The following HCN1 variants were observed in gnomAD, a reference collection of about 807,000 sequenced individuals.
HCN1 encodes potassium/sodium hyperpolarization-activated cyclic nucleotide-gated channel 1.
A neutral mutation model predicts 78.9 loss-of-function variants in HCN1; 13 were observed. That is an observed-to-expected ratio of 0.16 (90% CI 0.11 to 0.26). The LOEUF (loss-of-function observed/expected upper bound fraction) is 0.26, where lower values mean the gene tolerates loss of function less well. Among genes scored for constraint, HCN1 ranks in the 10% least tolerant of loss-of-function variants. The pLI, the probability that HCN1 is intolerant of heterozygous loss-of-function variation, is 1.00. For synonymous variants in HCN1, 552 were observed against 455.5 expected (o/e 1.21, Z -2.70); for missense variants, 810 against 1,154.3 (o/e 0.70, Z 4.32).
At chr5:45,679,263 A>G (rs1739656990) in intron 1 of HCN1, among the ~76,000 whole-genome samples, 1 of 152,048 alleles carries the variant, frequency 6.6e-6, no homozygotes, top group Non-Finnish European at 1.5e-5. Context: ...AACAAACAGT[A>G]CCTGTCATAG....
intron 4 of HCN1, among the ~76,000 whole-genome samples, chr5:45,372,022 T>C (rs1747383867): frequency 1.4e-5 from 1 of 72,812 alleles, no homozygotes; most frequent in South Asian, 3.9e-4. Context: ...ATATAATATA[T>C]ATAATATAAT....
At chr5:45,316,655 T>C (rs1306276459) in intron 5 of HCN1, among the ~76,000 whole-genome samples, 1 of 152,056 alleles carries the variant, frequency 6.6e-6, no homozygotes, top group Admixed American at 6.6e-5. Context: ...GACTGTATAT[T>C]TAGAAAAACC....
intron 1 of HCN1, among the ~76,000 whole-genome samples, chr5:45,665,880 C>T (rs1746038827): frequency 6.6e-6 from 1 of 152,072 alleles, no homozygotes; most frequent in African/African-American, 2.4e-5. Flanking sequence ...ATTTCTCTGA[C>T]CTTTTCTCTC....
intron 6 of HCN1, among the ~76,000 whole-genome samples, chr5:45,300,715 C>T (rs946902185): frequency 6.6e-6 from 1 of 152,078 alleles, no homozygotes. Context: ...CTAATCTCCA[C>T]ATTGTTCAAG....
At chr5:45,377,155 CAAT>C in intron 4 of HCN1, among the ~76,000 whole-genome samples, 1 of 151,970 alleles carries the variant, frequency 6.6e-6, no homozygotes, top group Admixed American at 6.6e-5. Context: ...TAAAATATCG[CAAT>C]AATAAACGTA....
intron 4 of HCN1, among the ~76,000 whole-genome samples, chr5:45,374,880 A>T (rs1160492624): frequency 6.9e-6 from 1 of 144,742 alleles, no homozygotes; most frequent in Non-Finnish European, 1.5e-5. Flanking sequence ...GTTCATGGGT[A>T]TATATATAGA....
Position 45,645,602 on chromosome 5 carries a change from G to A in HCN1, c.432C>T (p.Tyr144=). 6.3e-7 allele frequency: 1 copy of A among 1,594,330 alleles called. No homozygotes were observed. The highest frequency in any genetic ancestry group is 8.5e-7 in the Non-Finnish European group (1 of 1,170,732). The stretch of plus-strand genomic sequence containing the variant: ...TCATTATAAGCATTATTAAATCCCA[G>A]TAAAACCTACAACAAATAAAAAAAT... ...IIHPYSDFRF[Y]WDLIMLIMMV... Residue 144 remains tyrosine, a synonymous_variant, in exon 2 of 8, where the codon TAC becomes TAT. Transcript: ENST00000303230.
intron 6 of HCN1, among the ~76,000 whole-genome samples, chr5:45,292,207 C>T (rs1459980529): frequency 1.3e-5 from 2 of 151,954 alleles, no homozygotes; most frequent in African/African-American, 4.8e-5. Context: ...AATTTCCTTG[C>T]AAATCTCCAT....
intron 2 of HCN1, among the ~76,000 whole-genome samples, chr5:45,538,575 C>T (rs1367278057): frequency 1.3e-5 from 2 of 152,116 alleles, no homozygotes; most frequent in Non-Finnish European, 2.9e-5. Flanking sequence ...ATCCCATGCT[C>T]TTTCTAAATG....
intron 4 of HCN1, among the ~76,000 whole-genome samples, chr5:45,391,439 GAT>G (rs765729473): frequency 1.3e-5 from 2 of 151,972 alleles, no homozygotes; most frequent in Non-Finnish European, 1.5e-5. Context: ...TATAAAACAG[GAT>G]GTAACTTTTT....
chr5:45,312,680 T>A (rs1203922875), intron 5 of HCN1, among the ~76,000 whole-genome samples: 1 of 152,184 alleles, frequency 6.6e-6, no homozygotes, highest in Non-Finnish European at 1.5e-5. Flanking sequence ...ATACTGCACT[T>A]TTCCAATGGT....
rs151304406 is a variant in HCN1, at chr5:45,512,459, C to T, written c.850-50452G>A. On this transcript the variant is annotated intron_variant, in intron 2 of 7. Transcript: ENST00000303230. Reference sequence around the variant, plus strand: ...TGGCCCCATAGGGCTACTTTCCAGACCTAACTAGTTATTAACAGATTAGTA... The same window carrying T: ...TGGCCCCATAGGGCTACTTTCCAGATCTAACTAGTTATTAACAGATTAGTA... Among the ~76,000 whole-genome samples, 391 of 152,052 alleles carry T rather than the reference C, an allele frequency of 2.6e-3. 4 individuals carry two copies. The highest frequency in any genetic ancestry group is 9.0e-3 in the African/African-American group (374 of 41,510).
chr5:45,663,173 C>A (rs970553641), intron 1 of HCN1, among the ~76,000 whole-genome samples: 2 of 130,862 alleles, frequency 1.5e-5, no homozygotes, highest in Non-Finnish European at 3.2e-5. Context: ...ACTATCTGAT[C>A]TTTGACAAAC....
chr5:45,313,086 C>T (rs1745891328), intron 5 of HCN1, among the ~76,000 whole-genome samples: 1 of 152,170 alleles, frequency 6.6e-6, no homozygotes, highest in Non-Finnish European at 1.5e-5. Context: ...GGTCCTTGAC[C>T]CCCAAGTAGC....
At chr5:45,272,283 A>C (rs1039130156) in intron 6 of HCN1, among the ~76,000 whole-genome samples, 2 of 152,094 alleles carry the variant, frequency 1.3e-5, no homozygotes, top group Admixed American at 6.6e-5. Flanking sequence ...GGGGGTGTTT[A>C]AATAAAGGAT....
intron 2 of HCN1, among the ~76,000 whole-genome samples, chr5:45,500,693 A>G (rs1229814798): frequency 3.9e-5 from 6 of 152,186 alleles, no homozygotes; most frequent in Non-Finnish European, 7.4e-5. Flanking sequence ...GCATGGTGAT[A>G]TAGGTCACAA....
At chr5:45,467,967 C>T (rs1211333594) in intron 2 of HCN1, among the ~76,000 whole-genome samples, 2 of 152,076 alleles carry the variant, frequency 1.3e-5, no homozygotes. Context: ...AGAGAGCTGG[C>T]CTGCCTTACA....
chr5:45,519,725 T>C (rs1360190342), intron 2 of HCN1, among the ~76,000 whole-genome samples: 1 of 152,006 alleles, frequency 6.6e-6, no homozygotes, highest in Non-Finnish European at 1.5e-5. Context: ...TTGAAACCTG[T>C]CTTGGAAAAT....
rs1383334714 is a variant in HCN1, at chr5:45,334,880, C to T, written c.1377+18220G>A. 2.0e-5 allele frequency among the ~76,000 whole-genome samples: 3 copies of T among 151,946 alleles called. No individual in the cohort carries two copies. The East Asian group carries it at 5.8e-4, about 29-fold the overall frequency. ...TATGGCCATTTTAGTTAACTTTAAA[C>T]ACATTTTTAGAAGGCATTTAAAAAA... On this transcript the variant is annotated intron_variant, in intron 5 of 7. Transcript: ENST00000303230.
Sources: gnomAD v4.1 joint callset for allele counts (sites outside exome capture counted in the v4.1 genomes callset) on GRCh38, gnomAD v4.1.1 for gene constraint, MANE v1.5 for transcripts, NCBI Gene and HGNC (gene_info 2026-07-23, HGNC 2026-07-21) for gene names.